The following CUX2 variants were observed in gnomAD, a reference collection of about 807,000 sequenced individuals.
CUX2 encodes cut like homeobox 2, also known as homeobox protein cut-like 2.
A neutral mutation model predicts 144.8 loss-of-function variants in CUX2; 40 were observed. The observed-to-expected ratio is 0.28, with a 90% confidence interval of 0.21 to 0.36. CUX2 has a LOEUF of 0.36. Ranked by LOEUF, CUX2 falls within the 10% of genes least tolerant of loss-of-function variation. CUX2 has a pLI of 1.00. For synonymous variants in CUX2, 827 were observed against 875.6 expected, an observed-to-expected ratio of 0.94 and a Z score of 0.98; for missense variants, 1,615 against 1,994.0, an observed-to-expected ratio of 0.81 and a Z score of 3.62.
intron 1 of CUX2, among the ~76,000 whole-genome samples, chr12:111,152,789 G>C (rs1039939560): frequency 6.6e-6 from 1 of 152,210 alleles, no homozygotes; most frequent in Non-Finnish European, 1.5e-5. Flanking sequence ...CGTGGGGGAC[G>C]GGGGAAGGAG....
At chr12:111,206,658 C>T (rs896605061) in intron 1 of CUX2, among the ~76,000 whole-genome samples, 5 of 152,174 alleles carry the variant, frequency 3.3e-5, no homozygotes, top group African/African-American at 1.2e-4. Flanking sequence ...CAGAATTGGG[C>T]CAGTGATTAG....
At chr12:111,128,476 G>T (rs1017750265) in intron 1 of CUX2, among the ~76,000 whole-genome samples, 2 of 152,180 alleles carry the variant, frequency 1.3e-5, no homozygotes, top group African/African-American at 4.8e-5. Context: ...GGGCATTTGG[G>T]CCACTTCATG....
At chr12:111,180,485 A>T (rs542468767) in intron 1 of CUX2, among the ~76,000 whole-genome samples, 100 of 152,182 alleles carry the variant, frequency 6.6e-4, no homozygotes, top group Non-Finnish European at 2.1e-4. Flanking sequence ...TGCAAAGGAG[A>T]ATTTGGGCCT....
intron 3 of CUX2, among the ~76,000 whole-genome samples, chr12:111,242,215 C>T (rs1260418632): frequency 1.3e-5 from 2 of 152,338 alleles, no homozygotes; most frequent in South Asian, 2.1e-4. Flanking sequence ...TGATACAGAA[C>T]TGTTATTATC....
At chr12:111,177,332 C>T (rs1878917931) in intron 1 of CUX2, among the ~76,000 whole-genome samples, 1 of 152,258 alleles carries the variant, frequency 6.6e-6, no homozygotes, top group African/African-American at 2.4e-5. Context: ...CTGCAAAAGA[C>T]AGGTACCACC....
chr12:111,175,789 C>T (rs759903461), intron 1 of CUX2, among the ~76,000 whole-genome samples: 2 of 151,850 alleles, frequency 1.3e-5, no homozygotes, highest in Admixed American at 6.6e-5. Flanking sequence ...TTTTCACCGC[C>T]GGTTGCAATG....
chr12:111,234,525 A>AT (rs1882635124), intron 3 of CUX2, among the ~76,000 whole-genome samples: 1 of 152,060 alleles, frequency 6.6e-6, no homozygotes, highest in African/African-American at 2.4e-5. Context: ...GAGAGTGGTT[A>AT]TTTTTTGGGC....
At chr12:111,328,404 G>A (rs577982399) in intron 18 of CUX2, among the ~76,000 whole-genome samples, 9 of 152,256 alleles carry the variant, frequency 5.9e-5, no homozygotes, top group South Asian at 2.1e-4. Context: ...ACTGCCAGGC[G>A]CAGCCCCGGG....
Position 111,307,287 on chromosome 12 carries a change from C to T in CUX2, c.1109+30C>T, listed in dbSNP as rs760755488. On this transcript the variant is annotated intron_variant, in intron 12 of 21. Transcript: ENST00000261726. The surrounding 1 kb of genome is among the most constrained non-coding windows in gnomAD (Gnocchi z 4.1). Reference sequence around the variant, plus strand: ...CATGTGGGGTGGGGCTCCACAGACCCTCAGTGCTCTTCCCTGGCCAGGAGC... The same window carrying T: ...CATGTGGGGTGGGGCTCCACAGACCTTCAGTGCTCTTCCCTGGCCAGGAGC... 2 of 1,602,646 alleles carry T rather than the reference C, an allele frequency of 1.2e-6. No homozygotes were observed. The highest frequency in any genetic ancestry group is 1.7e-6 in the Non-Finnish European group (2 of 1,170,474).
chr12:111,310,317 A>G lies in CUX2; in HGVS notation c.1535A>G (p.Tyr512Cys). The G allele has an allele frequency of 2.7e-6, 4 of 1,506,800 alleles. No homozygotes were observed. The highest frequency in any genetic ancestry group is 3.6e-6 in the Non-Finnish European group (4 of 1,124,012). 93.3% of individuals were successfully genotyped at this position (1,506,800 alleles called of 1,614,324 possible). A position where few individuals can be genotyped will look rare whatever the true frequency, so the allele number is the denominator to read the frequency against. ...CTGCTGGTGTTCCCCCCAGCCTTCT[A>G]TGGCGCCAAGCCCCCCACAGCCCCT... is the stretch of plus-strand genomic sequence containing the variant. ...GGLLVFPPAFYGAKPPTAPAT... is the reference protein window; with the variant it reads ...GGLLVFPPAFCGAKPPTAPAT... The change falls in exon 15 of 22, where the codon TAT (tyrosine) becomes TGT (cysteine). Residue 512 changes from tyrosine (Y) to cysteine (C), a missense_variant. Coordinates refer to ENST00000261726, the MANE Select transcript of CUX2 (RefSeq NM_015267.4). The surrounding 1 kb of genome is among the most constrained non-coding windows in gnomAD (Gnocchi z 7.9).
intron 16 of CUX2, among the ~76,000 whole-genome samples, chr12:111,319,290 G>C (rs1887380780): frequency 6.6e-6 from 1 of 151,956 alleles, no homozygotes; most frequent in African/African-American, 2.4e-5. Flanking sequence ...CTCTATGAAA[G>C]AAAGGAAGGA....
intron 3 of CUX2, among the ~76,000 whole-genome samples, chr12:111,232,996 G>A (rs565496324): frequency 6.6e-6 from 1 of 152,298 alleles, no homozygotes; most frequent in South Asian, 2.1e-4. Flanking sequence ...AGAGCATCCT[G>A]GGATGTCAAG....
intron 18 of CUX2, among the ~76,000 whole-genome samples, chr12:111,325,015 G>A (rs1231851548): frequency 6.6e-6 from 1 of 151,630 alleles, no homozygotes; most frequent in Non-Finnish European, 1.5e-5. Context: ...GCCGGGTGGG[G>A]TGCCTCATGC....
intron 1 of CUX2, among the ~76,000 whole-genome samples, chr12:111,123,857 C>G (rs971881641): frequency 1.3e-5 from 2 of 152,176 alleles, no homozygotes; most frequent in Non-Finnish European, 2.9e-5. Flanking sequence ...TCTTAAAACC[C>G]ACAGAGGGTG....
At chr12:111,217,786 T>C (rs556891833) in intron 2 of CUX2, 104 bp from the exon 3 acceptor site, 29 of 1,226,886 alleles carry the variant, frequency 2.4e-5, no homozygotes, top group Non-Finnish European at 3.2e-5. Flanking sequence ...CCACGGGACA[T>C]GCTTGGGAAA....
chr12:111,200,091 C>T (rs1880487540), intron 1 of CUX2, among the ~76,000 whole-genome samples: 1 of 151,986 alleles, frequency 6.6e-6, no homozygotes, highest in African/African-American at 2.4e-5. Flanking sequence ...GGAGAGAAAG[C>T]TTTTGCCTGT....
In CUX2 at chr12:111,320,357, G is replaced by T; in HGVS notation, c.2348G>T (p.Gly783Val). ...GTCAAGTCCGAGATCGGCGACGCCG[G>T]CTACTTCGACCACCACTGGGCCTCC... ...RKVKSEIGDA[G>V]YFDHHWASDR... The change falls in exon 17 of 22, where the codon GGC becomes GTC. Residue 783 changes from glycine (G) to valine (V), a missense_variant. Transcript: ENST00000261726. The surrounding 1 kb of genome is among the most constrained non-coding windows in gnomAD (Gnocchi z 8.1). 4 of 1,598,116 alleles carry T rather than the reference G, an allele frequency of 2.5e-6. No homozygotes were observed. In the South Asian group the frequency reaches 3.3e-5, roughly 13 times the overall value.
chr12:111,271,863 G>A (rs1202204346), intron 4 of CUX2, among the ~76,000 whole-genome samples: 1 of 152,144 alleles, frequency 6.6e-6, no homozygotes, highest in Non-Finnish European at 1.5e-5. Flanking sequence ...GTATATGGGG[G>A]ATATTAACCT....
intron 4 of CUX2, among the ~76,000 whole-genome samples, chr12:111,281,208 TC>T (rs1035638191): frequency 6.6e-5 from 10 of 151,922 alleles, no homozygotes; most frequent in Non-Finnish European, 1.3e-4. Context: ...GTGCCACCTG[TC>T]CCCCCCATCT....
Sources: gnomAD v4.1 joint callset for allele counts (sites outside exome capture counted in the v4.1 genomes callset) on GRCh38, gnomAD v4.1.1 for gene constraint, Gnocchi (gnomAD v3.1) non-coding constraint, MANE v1.5 for transcripts, NCBI Gene and HGNC (gene_info 2026-07-23, HGNC 2026-07-21) for gene names.